Variants in PM20D2 observed in about 807,000 individuals in gnomAD.
PM20D2 encodes xaa-Arg dipeptidase.
PM20D2 carries 33 observed loss-of-function variants against 42.9 expected under a neutral mutation model. The observed-to-expected ratio is 0.77, with a 90% confidence interval of 0.58 to 1.03. The LOEUF is 1.03. Among genes scored for constraint, PM20D2 ranks in the 50% least tolerant of loss-of-function variants. The pLI, the probability that PM20D2 is intolerant of heterozygous loss-of-function variation, is 0.00. For missense variants in PM20D2, 548 were observed against 557.0 expected, an observed-to-expected ratio of 0.98 and a Z score of 0.16; for synonymous variants, 250 against 228.2, an observed-to-expected ratio of 1.10 and a Z score of -0.86.
intron 4 of PM20D2, among the ~76,000 whole-genome samples, chr6:89,156,821 G>A (rs751650965): frequency 4.6e-5 from 7 of 152,152 alleles, no homozygotes; most frequent in Admixed American, 2.0e-4. Context: ...GTAGTTAATC[G>A]ATAAACATAT....
At chr6:89,141,052 C>A in the PM20D2 span, among the ~76,000 whole-genome samples, 1 of 152,156 alleles carries the variant, frequency 6.6e-6, no homozygotes, top group Non-Finnish European at 1.5e-5. Flanking sequence ...ATTACTCATA[C>A]TAGCTATGTA....
At chr6:89,155,015 A>C in intron 4 of PM20D2, 113 bp downstream of exon 4, 1 of 953,334 alleles carries the variant, frequency 1.0e-6, no homozygotes, top group African/African-American at 1.7e-5. Flanking sequence ...TTGAATATGC[A>C]AAATGAATTG....
the PM20D2 span, among the ~76,000 whole-genome samples, chr6:89,099,498 A>G: frequency 1.8e-4 from 20 of 111,280 alleles, no homozygotes; most frequent in South Asian, 1.2e-3. Context: ...GTATATATAT[A>G]TGTGTGTATA....
At chr6:89,148,695 T>C (rs1472125218) in intron 1 of PM20D2, 1 of 473,734 alleles carries the variant, frequency 2.1e-6, no homozygotes, top group Non-Finnish European at 2.8e-6. Flanking sequence ...AATCAGAGTT[T>C]AGGCCAGAAG....
Position 89,154,889 on chromosome 6 carries a change from C to A in PM20D2, c.899C>A (p.Ala300Asp). The A allele has an allele frequency of 6.3e-7, 1 of 1,597,806 alleles. No homozygotes were observed. The highest frequency in any genetic ancestry group is 8.5e-7 in the Non-Finnish European group (1 of 1,174,102). The change falls in exon 4 of 7, where the codon GCT becomes GAT. Residue 300 changes from alanine to aspartate, a missense_variant. Around this residue, in one of 3 missense-constraint regions of PM20D2, gnomAD observed 470 missense variants for 464.4 expected, o/e 1.01. Transcript: ENST00000275072. Reference protein sequence around the residue: ...AEDCFRAAALASGCTVEIKGG... With the variant: ...AEDCFRAAALDSGCTVEIKGG... The stretch of plus-strand genomic sequence containing the variant: ...GATTGCTTCAGAGCTGCAGCTTTGG[C>A]TTCAGGGTGCACAGTAAGAACTTTT...
At chr6:89,103,489 C>A in the PM20D2 span, among the ~76,000 whole-genome samples, 1 of 152,118 alleles carries the variant, frequency 6.6e-6, no homozygotes. Context: ...CCACCACACC[C>A]ACCTAATTTT....
chr6:89,104,417 T>C, the PM20D2 span, among the ~76,000 whole-genome samples: 1 of 151,790 alleles, frequency 6.6e-6, no homozygotes, highest in Non-Finnish European at 1.5e-5. Context: ...TTTGTATTTT[T>C]AGTAGAGGCG....
the PM20D2 span, among the ~76,000 whole-genome samples, chr6:89,132,746 G>A: frequency 6.6e-6 from 1 of 150,866 alleles, no homozygotes; most frequent in Non-Finnish European, 1.5e-5. Flanking sequence ...GCTGAGGGAG[G>A]AGAATACCTT....
chr6:89,099,921 C>T, the PM20D2 span, among the ~76,000 whole-genome samples: 2 of 152,108 alleles, frequency 1.3e-5, no homozygotes, highest in African/African-American at 4.8e-5. Context: ...GCAGGAAGAA[C>T]CTGAGGGATT....
At chr6:89,124,738 T>TTTTTTTG in the PM20D2 span, among the ~76,000 whole-genome samples, 5 of 138,570 alleles carry the variant, frequency 3.6e-5, no homozygotes, top group East Asian at 2.1e-4. Flanking sequence ...CTGTTGTTGT[T>TTTTTTTG]TTTTTTTTTT....
At chr6:89,099,395 T>G in the PM20D2 span, among the ~76,000 whole-genome samples, 1 of 68,912 alleles carries the variant, frequency 1.5e-5, no homozygotes, top group African/African-American at 4.7e-5. Flanking sequence ...GCTCTCTCTC[T>G]CTCTCTCCAT....
chr6:89,116,900 C>T, the PM20D2 span, among the ~76,000 whole-genome samples: 29 of 152,018 alleles, frequency 1.9e-4, no homozygotes, highest in Admixed American at 1.8e-3. Context: ...CCTCTCTGGC[C>T]CCAGGTAAAT....
At chr6:89,107,382 G>C in the PM20D2 span, 1 of 694,924 alleles carries the variant, frequency 1.4e-6, no homozygotes, top group East Asian at 2.8e-5. Flanking sequence ...ATCTAAAATT[G>C]TTTTTTGTAA....
intron 3 of PM20D2, 80 bp downstream of exon 3, chr6:89,153,265 T>C: frequency 8.6e-7 from 1 of 1,163,320 alleles, no homozygotes. Flanking sequence ...ATTCAATTTT[T>C]AAAAATTTGG....
the PM20D2 span, among the ~76,000 whole-genome samples, chr6:89,120,676 A>C: frequency 6.6e-6 from 1 of 152,150 alleles, no homozygotes; most frequent in East Asian, 1.9e-4. Flanking sequence ...CCAGCTGGGC[A>C]ACATAAGAGA....
chr6:89,106,795 A>C, the PM20D2 span: 1 of 358,038 alleles, frequency 2.8e-6, no homozygotes, highest in Non-Finnish European at 5.5e-6. Flanking sequence ...TGGAACTCTG[A>C]GTAAATGTAG....
chr6:89,099,331 G>A, the PM20D2 span, among the ~76,000 whole-genome samples: 1 of 150,352 alleles, frequency 6.7e-6, no homozygotes, highest in Admixed American at 6.6e-5. Context: ...TAGGACTTTT[G>A]GGTCCTGCCA....
Position 89,146,435 on chromosome 6 carries a change from G to A in PM20D2, c.291G>A (p.Arg97=). ...CCGAGTGGGAGCCGCCGGAGGCCCG[G>A]GCACCGAGCGCCACGCCACGCCCGC... ...FRAEWEPPEA[R]APSATPRPLH... is the part of the protein sequence containing the mutation. The change falls in exon 1 of 7, where the codon CGG becomes CGA. Residue 97 remains arginine (R), a synonymous_variant. Transcript: ENST00000275072. 1.3e-6 allele frequency: 2 copies of A among 1,523,974 alleles called. No individual in the cohort carries two copies. The highest frequency in any genetic ancestry group is 1.7e-6 in the Non-Finnish European group (2 of 1,142,934). 94.4% of individuals were successfully genotyped at this position (1,523,974 alleles called of 1,614,324 possible). A position where few individuals can be genotyped will look rare whatever the true frequency, so the allele number is the denominator to read the frequency against.
chr6:89,146,762 C>T (rs1284582802), intron 1 of PM20D2, among the ~76,000 whole-genome samples, 153 bp downstream of exon 1: 1 of 152,216 alleles, frequency 6.6e-6, no homozygotes, highest in Non-Finnish European at 1.5e-5. Context: ...GTCCTCGCCT[C>T]GGCGCAGGAG....
Sources: allele counts gnomAD v4.1 joint callset (sites outside exome capture counted in the v4.1 genomes callset), GRCh38; gene constraint gnomAD v4.1.1; regional missense constraint gnomAD v4.1.1; transcripts MANE v1.5; gene names NCBI Gene and HGNC (gene_info 2026-07-23, HGNC 2026-07-21).